Variants in PALB2 observed in about 807,000 individuals in gnomAD.
The protein encoded by PALB2 is partner and localizer of BRCA2, also known as mutant partner and localizer of BRCA2.
In PALB2, 82 loss-of-function variants were observed where a neutral mutation model predicts 107.4. The observed-to-expected ratio is 0.76, with a 90% CI of 0.64 to 0.92. The LOEUF is 0.92. PALB2 is among the 40% of genes least tolerant of loss of function. The pLI is 0.00. For missense variants in PALB2, 1,374 were observed against 1,379.9 expected (o/e 1.00, Z 0.07); for synonymous variants, 489 against 496.8 (o/e 0.98, Z 0.21).
Position 23,623,185 on chromosome 16 carries a change from A to G in PALB2, c.2835-55T>C, listed in dbSNP as rs960097912. On this transcript the variant is annotated intron_variant, in intron 8 of 12. Coordinates refer to ENST00000261584, the MANE Select transcript of PALB2 (RefSeq NM_024675.4). ...ATGTGAGGAGTAACCTTTTAATATT[A>G]AAGGACTAGGTTCACTTTTTTTTTT... The G allele has an allele frequency of 9.0e-6, 13 of 1,438,768 alleles. No homozygotes were observed. In the African/African-American group the frequency reaches 1.3e-4, roughly 14 times the overall value. The allele number at this position is 1,438,768 out of a possible 1,614,324, so 89.1% of individuals were successfully genotyped here. A position where few individuals can be genotyped will look rare whatever the true frequency, so the allele number is the denominator to read the frequency against.
In PALB2 at chr16:23,614,103, AAAAT is replaced by A. The variant is rs1966637889; in HGVS notation, c.3114-16_3114-13del. The A allele has an allele frequency of 6.5e-7, 1 of 1,550,326 alleles. No homozygotes were observed. The highest frequency in any genetic ancestry group is 8.9e-7 in the Non-Finnish European group (1 of 1,123,004). The stretch of plus-strand genomic sequence containing the variant: ...CAGTTTTTAAATTCCTTAGATAACA[AAAAT>A]AAATAAGCTGATCACATTCTTCCAA... On this transcript the variant is annotated splice_polypyrimidine_tract_variant and intron_variant, in intron 10 of 12. Transcript: ENST00000261584.
Position 23,614,035 on chromosome 16 carries a change from G to T in PALB2, c.3170C>A (p.Ala1057Asp). Residue 1057 changes from alanine (A) to aspartate (D), a missense_variant, in exon 11 of 13, where the codon GCT becomes GAT. Physicochemically the swap from Ala to Asp is moderately radical, Grantham distance 126 (BLOSUM62 -2). Coordinates refer to ENST00000261584, the MANE Select transcript of PALB2 (RefSeq NM_024675.4). ...AGAATAGGCTTTGTGACAGACTGAA[G>T]CTTGGTAAGAATCATCAATGTGCAT... The part of the protein sequence containing the change: ...KKMHIDDSYQ[A>D]SVCHKAYSEM... 6.2e-7 allele frequency: 1 copy of T among 1,613,668 alleles called. No individual in the cohort carries two copies. Among genetic ancestry groups the T allele is most frequent in the Middle Eastern group, 1.6e-4 (1 of 6,062 alleles).
At chr16:23,639,368 A>C (rs1967145453) in intron 1 of PALB2, among the ~76,000 whole-genome samples, 1 of 152,168 alleles carries the variant, frequency 6.6e-6, no homozygotes, top group Middle Eastern at 3.4e-3. Flanking sequence ...TCCTGCTTCT[A>C]CTAAAGATAC....
chr16:23,630,537 T>C (rs2142392007), intron 4 of PALB2, 68 bp from the exon 5 acceptor site: 1 of 1,238,786 alleles, frequency 8.1e-7, no homozygotes, highest in East Asian at 2.5e-5. Context: ...GTTTCACTGA[T>C]GACAAAGAGA....
intron 11 of PALB2, among the ~76,000 whole-genome samples, chr16:23,608,346 C>T (rs559609364): frequency 1.5e-3 from 225 of 152,162 alleles, no homozygotes; most frequent in African/African-American, 4.4e-3. Flanking sequence ...TCAGCCACCG[C>T]GCTCAGCCAA....
chr16:23,614,624 T>G (rs562963934), intron 10 of PALB2, among the ~76,000 whole-genome samples: 30 of 151,752 alleles, frequency 2.0e-4, no homozygotes, highest in Non-Finnish European at 1.5e-5. Flanking sequence ...AAAGATAAAG[T>G]TTGTTGGAAT....
In PALB2 at chr16:23,629,211, T is replaced by C; in HGVS notation, c.2579A>G (p.Glu860Gly). The change falls in exon 6 of 13, where the codon GAG becomes GGG. Residue 860 changes from glutamate (E) to glycine (G), a missense_variant. Physicochemically the swap from Glu to Gly is moderately conservative, Grantham distance 98. Coordinates refer to ENST00000261584, the MANE Select transcript of PALB2 (RefSeq NM_024675.4). ...AGAGAATATTCTTCTGACCTTTAACTCTGAAACCAATTGTAGGTTGCCTGG... is the reference window on the plus strand; with the variant it reads ...AGAGAATATTCTTCTGACCTTTAACCCTGAAACCAATTGTAGGTTGCCTGG... ...INPGNLQLVS[E>G]LKNPSGSCSV... The C allele has an allele frequency of 6.2e-7, 1 of 1,612,518 alleles. No individual in the cohort carries two copies. The highest frequency in any genetic ancestry group is 1.1e-5 in the South Asian group (1 of 91,054).
chr16:23,623,290 C>A (rs1966809229), intron 8 of PALB2, among the ~76,000 whole-genome samples, 160 bp from the exon 9 acceptor site: 1 of 149,904 alleles, frequency 6.7e-6, no homozygotes, highest in South Asian at 2.1e-4. Context: ...TGCAACTCTG[C>A]CTCCCAGGTT....
At chr16:23,621,546 C>T (rs948799261) in intron 9 of PALB2, 68 bp from the exon 10 acceptor site, 1 of 925,090 alleles carries the variant, frequency 1.1e-6, no homozygotes, top group Non-Finnish European at 1.8e-6. Flanking sequence ...CCCTTCTCCG[C>T]ATTGTTGAAC....
In PALB2 at chr16:23,635,689, G is replaced by A. The variant is rs1597098031; in HGVS notation, c.857C>T (p.Pro286Leu). 1.2e-6 allele frequency: 2 copies of A among 1,614,062 alleles called. No individual in the cohort carries two copies. The highest frequency in any genetic ancestry group is 1.7e-6 in the Non-Finnish European group (2 of 1,179,968). ...TTTGCCTTGTGCCTCCAAACTTACA[G>A]GTGAAGTAAATCTAATGTTTTTTAG... ...HDLKNIRFTS[P>L]VSLEAQGKKM... The change falls in exon 4 of 13, where the codon CCT becomes CTT. Residue 286 changes from proline (P) to leucine (L), a missense_variant. By Grantham distance (98) the Pro-to-Leu change is moderately conservative. Coordinates refer to ENST00000261584, the MANE Select transcript of PALB2 (RefSeq NM_024675.4).
Position 23,613,889 on chromosome 16 carries a change from A to G in PALB2, c.3201+115T>C, listed in dbSNP as rs515726110. The G allele has an allele frequency of 1.3e-6, 1 of 768,742 alleles. No homozygotes were observed. The highest frequency in any genetic ancestry group is 1.5e-5 in the South Asian group (1 of 65,478). 47.6% of individuals were successfully genotyped at this position (768,742 alleles called of 1,614,324 possible). On this transcript the variant is annotated intron_variant, in intron 11 of 12. Coordinates refer to ENST00000261584, the MANE Select transcript of PALB2 (RefSeq NM_024675.4). The stretch of plus-strand genomic sequence containing the variant: ...AAGAAAGGACAAACATTGCTATCCA[A>G]TTTTGAAAAAAGATGCCACGGGGAA...
intron 7 of PALB2, 124 bp downstream of exon 7, chr16:23,626,112 G>T: frequency 2.7e-6 from 3 of 1,120,364 alleles, no homozygotes; most frequent in Non-Finnish European, 4.0e-6. Flanking sequence ...ATAAAATGTT[G>T]GGAAAAAAAC....
intron 1 of PALB2, among the ~76,000 whole-genome samples, chr16:23,639,154 T>C (rs1967139485): frequency 6.6e-6 from 1 of 152,190 alleles, no homozygotes; most frequent in African/African-American, 2.4e-5. Flanking sequence ...TTCTGCTTTT[T>C]AGCAACTTTT....
rs1401541483 is a variant in PALB2, at chr16:23,635,612, T to A, written c.934A>T (p.Ser312Cys). The change falls in exon 4 of 13, where the codon AGT (serine) becomes TGT (cysteine). Residue 312 changes from serine (S) to cysteine (C), a missense_variant. Coordinates refer to ENST00000261584, the MANE Select transcript of PALB2 (RefSeq NM_024675.4). ...NLLVNKAISK[S>C]GQLPTSSNLE... The stretch of plus-strand genomic sequence containing the variant: ...TTAGAACTTGTGGGCAGTTGGCCAC[T>A]TTTACTTATAGCTTTATTTACAAGG... 1.2e-6 allele frequency: 2 copies of A among 1,613,968 alleles called. No individual in the cohort carries two copies. The highest frequency in any genetic ancestry group is 2.2e-5 in the South Asian group (2 of 91,076).
rs515726058 is a variant in PALB2 at position 23,641,255 on chromosome 16, G to A, written c.-98C>T. On this transcript the variant is annotated 5_prime_UTR_variant, in exon 1 of 13. Coordinates refer to ENST00000261584, the MANE Select transcript of PALB2 (RefSeq NM_024675.4). ...CTGGGCCGGGGAGGCGCCCCAGGAAGGAATGGGGAGCCCGGGATCGCACCC... is the reference window on the plus strand; with the variant it reads ...CTGGGCCGGGGAGGCGCCCCAGGAAAGAATGGGGAGCCCGGGATCGCACCC... 7 of 1,469,578 alleles carry A rather than the reference G, an allele frequency of 4.8e-6. No individual in the cohort carries two copies. The highest frequency in any genetic ancestry group is 6.5e-6 in the Non-Finnish European group (7 of 1,072,154). 91.0% of individuals were successfully genotyped at this position (1,469,578 alleles called of 1,614,324 possible).
chr16:23,638,099 C>A lies in PALB2; in HGVS notation c.79G>T (p.Glu27Ter), dbSNP rs878855122. Residue 27 changes from glutamate to a stop codon, truncating the protein, a stop_gained, in exon 2 of 13, where the codon GAA (glutamate) becomes TAA (stop). Coordinates refer to ENST00000261584, the MANE Select transcript of PALB2 (RefSeq NM_024675.4). LOFTEE classifies it high-confidence loss of function. ...LKEKLAFLKREYSKTLARLQR... is the reference protein window; with the variant it reads ...LKEKLAFLKR ...AGGCGGGCTAGTGTCTTGCTGTATT[C>A]CCTTTTCAAGAATGCTAATTTCTCC... 3.1e-6 allele frequency: 5 copies of A among 1,613,894 alleles called. No homozygotes were observed. The African/African-American group carries it at 5.3e-5, about 17-fold the overall frequency.
Position 23,603,222 on chromosome 16 carries a change from A to G in PALB2, c.*237T>C, listed in dbSNP as rs1966389878. ...GCTTTATGTACACCTTTAAAAGCACATGTACAAATGTGGGAAATTACAAAA... is the reference window on the plus strand; with the variant it reads ...GCTTTATGTACACCTTTAAAAGCACGTGTACAAATGTGGGAAATTACAAAA... On this transcript the variant is annotated 3_prime_UTR_variant, in exon 13 of 13. Coordinates refer to ENST00000261584, the MANE Select transcript of PALB2 (RefSeq NM_024675.4). 2.0e-6 allele frequency: 1 copy of G among 494,742 alleles called. No homozygotes were observed. The highest frequency in any genetic ancestry group is 1.9e-5 in the African/African-American group (1 of 52,302). 30.6% of individuals were successfully genotyped at this position (494,742 alleles called of 1,614,324 possible). A position where few individuals can be genotyped will look rare whatever the true frequency, so the allele number is the denominator to read the frequency against.
intron 7 of PALB2, among the ~76,000 whole-genome samples, chr16:23,624,389 A>C (rs544429882): frequency 1.3e-5 from 2 of 152,376 alleles, no homozygotes; most frequent in Admixed American, 6.5e-5. Flanking sequence ...GCCATTTAAA[A>C]GTATATCTAT....
intron 11 of PALB2, 82 bp from the exon 12 acceptor site, chr16:23,608,094 C>A (rs2142275296): frequency 6.9e-7 from 1 of 1,459,368 alleles, no homozygotes; most frequent in Admixed American, 1.8e-5. Context: ...GAGACAAAAA[C>A]CAAACAATTA....
Sources: allele counts gnomAD v4.1 joint callset (sites outside exome capture counted in the v4.1 genomes callset), GRCh38; gene constraint gnomAD v4.1.1; transcripts MANE v1.5; gene names NCBI Gene and HGNC (gene_info 2026-07-23, HGNC 2026-07-21).